Variants in CASQ2 observed in about 807,000 individuals in gnomAD.
The protein encoded by CASQ2 is calsequestrin-2.
A neutral mutation model predicts 46.5 loss-of-function variants in CASQ2; 49 were observed. That is an observed-to-expected ratio of 1.05 (90% CI 0.84 to 1.34). The LOEUF (loss-of-function observed/expected upper bound fraction) is 1.34, where lower values mean the gene tolerates loss of function less well. CASQ2 is among the 40% of genes most tolerant of loss of function. The pLI, the probability that CASQ2 is intolerant of heterozygous loss-of-function variation, is 0.00. For missense variants in CASQ2, 486 were observed against 481.3 expected (o/e 1.01, Z -0.09); for synonymous variants, 174 against 168.5 (o/e 1.03, Z -0.25).
At chr1:115,759,939 C>G (rs1648882407) in intron 1 of CASQ2, among the ~76,000 whole-genome samples, 1 of 152,178 alleles carries the variant, frequency 6.6e-6, no homozygotes, top group Non-Finnish European at 1.5e-5. Flanking sequence ...CTGAGTTGGT[C>G]TTTAAAAGCC....
intron 5 of CASQ2, chr1:115,732,002 C>T (rs1413262536): frequency 1.3e-5 from 2 of 152,288 alleles, no homozygotes; most frequent in Non-Finnish European, 2.9e-5. Context: ...CAGCTTCAAC[C>T]TCCTGGGCTC....
chr1:115,729,484 G>A (rs1647715601), intron 5 of CASQ2, among the ~76,000 whole-genome samples: 1 of 152,094 alleles, frequency 6.6e-6, no homozygotes, highest in Middle Eastern at 3.2e-3. Context: ...ATTATTCCAG[G>A]AGGAGATCTG....
chr1:115,745,298 G>C (rs773802491), intron 1 of CASQ2, among the ~76,000 whole-genome samples: 12 of 152,220 alleles, frequency 7.9e-5, no homozygotes, highest in Non-Finnish European at 1.8e-4. Flanking sequence ...ACCTGGGGCA[G>C]AGTGGGAACA....
intron 7 of CASQ2, 113 bp from the exon 8 acceptor site, chr1:115,718,007 T>C: frequency 1.3e-6 from 1 of 787,290 alleles, no homozygotes; most frequent in South Asian, 1.4e-5. Context: ...GGGAGAGGTG[T>C]GGAAGCGGGG....
rs1200786010 is a variant in CASQ2 at position 115,705,112 on chromosome 1, A to C, written c.939+80T>G. The C allele has an allele frequency of 5.3e-6, 5 of 943,064 alleles. No homozygotes were observed. In the Admixed American group the frequency reaches 8.5e-5, roughly 16 times the overall value. The allele number at this position is 943,064 out of a possible 1,614,324, so 58.4% of individuals were successfully genotyped here. A position where few individuals can be genotyped will look rare whatever the true frequency, so the allele number is the denominator to read the frequency against. ...TGGGTTTCTTCAAGTGCCCCTGCCT[A>C]TTTCACCTCCTCAGATGCTGAACGC... On this transcript the variant is annotated intron_variant, in intron 9 of 10. Coordinates refer to ENST00000261448, the MANE Select transcript of CASQ2 (RefSeq NM_001232.4).
At chr1:115,709,756 A>G (rs1654484016) in intron 8 of CASQ2, among the ~76,000 whole-genome samples, 1 of 152,290 alleles carries the variant, frequency 6.6e-6, no homozygotes, top group African/African-American at 2.4e-5. Flanking sequence ...ACAGCCAAGA[A>G]TCTTATCCTT....
Position 115,768,490 on chromosome 1 carries a change from T to C in CASQ2, c.52A>G (p.Arg18Gly). ...GGGAAATTAAGCCCCTCTTCTGCCC[T>C]GCAAGAGGACAGAAAATAAATCCCC... ...IVGIYFLSSC[R>G]AEEGLNFPTY... Residue 18 changes from arginine (R) to glycine (G), a missense_variant, in exon 1 of 11, where the codon AGG (arginine) becomes GGG (glycine). Physicochemically the swap from Arg to Gly is moderately radical, Grantham distance 125. Coordinates refer to ENST00000261448, the MANE Select transcript of CASQ2 (RefSeq NM_001232.4). The C allele has an allele frequency of 6.2e-7, 1 of 1,613,880 alleles. No individual in the cohort carries two copies. Among genetic ancestry groups the C allele is most frequent in the Non-Finnish European group, 8.5e-7 (1 of 1,179,754 alleles).
chr1:115,710,683 G>A (rs1476521093), intron 8 of CASQ2, among the ~76,000 whole-genome samples: 2 of 152,146 alleles, frequency 1.3e-5, no homozygotes, highest in African/African-American at 4.8e-5. Context: ...GTAGTATGAT[G>A]GGTTGGCTAA....
intron 7 of CASQ2, among the ~76,000 whole-genome samples, chr1:115,719,217 G>A (rs1485366400): frequency 6.6e-6 from 1 of 152,180 alleles, no homozygotes; most frequent in African/African-American, 2.4e-5. Flanking sequence ...ATTCTCTGGA[G>A]AATTTAATTT....
intron 1 of CASQ2, among the ~76,000 whole-genome samples, chr1:115,754,540 G>C (rs1648692665): frequency 6.6e-6 from 1 of 152,172 alleles, no homozygotes; most frequent in Admixed American, 6.5e-5. Context: ...ACCCTCATGA[G>C]GTAGAGGCTT....
At chr1:115,761,014 A>G (rs888956341) in intron 1 of CASQ2, among the ~76,000 whole-genome samples, 7 of 152,124 alleles carry the variant, frequency 4.6e-5, no homozygotes, top group Non-Finnish European at 1.0e-4. Flanking sequence ...TCATGGAGGT[A>G]GGAGCTAATG....
intron 6 of CASQ2, 130 bp downstream of exon 6, chr1:115,726,862 T>C: frequency 1.4e-6 from 1 of 715,552 alleles, no homozygotes; most frequent in East Asian, 2.7e-5. Flanking sequence ...AAAGCCATAC[T>C]ACTGAGTTCT....
intron 2 of CASQ2, among the ~76,000 whole-genome samples, chr1:115,742,381 A>G (rs1310833620): frequency 2.0e-4 from 31 of 152,130 alleles, no homozygotes. Flanking sequence ...AAACCGCAGT[A>G]AGAAGACTAC....
At chr1:115,742,936 C>T (rs545652569) in intron 2 of CASQ2, among the ~76,000 whole-genome samples, 15 of 152,062 alleles carry the variant, frequency 9.9e-5, no homozygotes, top group South Asian at 4.2e-4. Context: ...TACAGGCACC[C>T]GCCACCATGC....
At chr1:115,701,569 C>T in intron 10 of CASQ2, 143 bp from the exon 11 acceptor site, 1 of 704,286 alleles carries the variant, frequency 1.4e-6, no homozygotes, top group Non-Finnish European at 2.6e-6. Context: ...AATGGAAATG[C>T]CAAACGGCAA....
chr1:115,734,456 T>G (rs1647890827), intron 4 of CASQ2, among the ~76,000 whole-genome samples: 1 of 152,222 alleles, frequency 6.6e-6, no homozygotes, highest in Non-Finnish European at 1.5e-5. Context: ...CACTTTAAGA[T>G]GAAGAATGGA....
chr1:115,752,226 A>T (rs1648607224), intron 1 of CASQ2, among the ~76,000 whole-genome samples: 1 of 151,992 alleles, frequency 6.6e-6, no homozygotes, highest in Non-Finnish European at 1.5e-5. Flanking sequence ...TTCCCTTTTT[A>T]CCCTTGATCA....
In CASQ2 at chr1:115,740,739, A is replaced by G. The variant is rs762328417; in HGVS notation, c.409T>C (p.Phe137Leu). Residue 137 changes from phenylalanine (F) to leucine (L), a missense_variant, in exon 3 of 11, where the codon TTC (phenylalanine) becomes CTC (leucine). Phe to Leu is a conservative substitution (Grantham distance 22, BLOSUM62 0). Transcript: ENST00000261448. The part of the protein sequence containing the change: ...GEFAADVLVE[F>L]LLDLIEDPVE... Reference sequence around the variant, plus strand: ...GTATAAATACTTACATCCAAGAGGAACTCCACCAAGACATCAGCTGCAAAC... The same window carrying G: ...GTATAAATACTTACATCCAAGAGGAGCTCCACCAAGACATCAGCTGCAAAC... 5 of 1,607,362 alleles carry G rather than the reference A, an allele frequency of 3.1e-6. No individual in the cohort carries two copies. The Admixed American group carries it at 5.0e-5, about 16-fold the overall frequency.
At chr1:115,740,032 G>A (rs906596814) in intron 3 of CASQ2, among the ~76,000 whole-genome samples, 2 of 152,078 alleles carry the variant, frequency 1.3e-5, no homozygotes, top group South Asian at 2.1e-4. Context: ...CTTCCCTCTG[G>A]TTTTTGACAC....
Sources: allele counts gnomAD v4.1 joint callset (sites outside exome capture counted in the v4.1 genomes callset), GRCh38; gene constraint gnomAD v4.1.1; transcripts MANE v1.5; gene names NCBI Gene and HGNC (gene_info 2026-07-23, HGNC 2026-07-21).